FOCAD: variants seen among roughly 807,000 people sequenced by gnomAD.
The protein encoded by FOCAD is focadhesin.
FOCAD carries 198 observed loss-of-function variants against 225.6 expected under a neutral mutation model. The observed-to-expected ratio is 0.88, with a 90% CI of 0.78 to 0.99. The LOEUF (loss-of-function observed/expected upper bound fraction) is 0.99. Among genes scored for constraint, FOCAD ranks in the 50% least tolerant of loss-of-function variants. The probability of loss-of-function intolerance (pLI) is 0.00; values close to 1 mark genes in which losing one functional copy is unlikely to be tolerated. For missense variants in FOCAD, 2,713 were observed against 2,123.6 expected (o/e 1.28, Z -5.46); for synonymous variants, 897 against 755.0 (o/e 1.19, Z -3.08).
At chr9:20,930,175 T>G (rs1022666901) in intron 27 of FOCAD, among the ~76,000 whole-genome samples, 5 of 113,808 alleles carry the variant, frequency 4.4e-5, no homozygotes, top group Non-Finnish European at 1.0e-4. Context: ...TGATTGCTCA[T>G]TTTTGGACTG....
rs550996980 is a variant in FOCAD at position 20,876,620 on chromosome 9, G to A, written c.2317+1813G>A. On this transcript the variant is annotated intron_variant, in intron 19 of 43. Coordinates refer to ENST00000338382, the MANE Select transcript of FOCAD (RefSeq NM_001375567.1). ...TTTGTTTGAGAAAATTTAGTAATTT[G>A]AGTGAGGTGGGTGATCTAGATGCTA... is the stretch of plus-strand genomic sequence containing the variant. 2.0e-5 allele frequency among the ~76,000 whole-genome samples: 3 copies of A among 152,280 alleles called. No individual in the cohort carries two copies. In the East Asian group the frequency reaches 5.8e-4, roughly 29 times the overall value.
At position 20,862,523 on chromosome 9, in the gene FOCAD, G is replaced by A. The variant is rs1376600188; in HGVS notation, c.1921-55G>A. ...TAAAATATAGTACTCTTAATTAATG[G>A]CTTCATATAGGTTGGAGTCTTGTTA... On this transcript the variant is annotated intron_variant, in intron 15 of 43. Transcript: ENST00000338382. 8.3e-6 allele frequency: 13 copies of A among 1,571,454 alleles called. No individual in the cohort carries two copies. The East Asian group carries it at 2.3e-4, about 27-fold the overall frequency.
intron 15 of FOCAD, among the ~76,000 whole-genome samples, chr9:20,826,603 C>T (rs767878917): frequency 4.3e-4 from 65 of 152,192 alleles, no homozygotes; most frequent in Non-Finnish European, 7.4e-4. Context: ...ATACATCTTT[C>T]CTCTTCTGTC....
chr9:20,740,981 A>G (rs1229383083), intron 5 of FOCAD, among the ~76,000 whole-genome samples: 2 of 152,188 alleles, frequency 1.3e-5, no homozygotes, highest in East Asian at 3.9e-4. Context: ...ATCTCTTAAG[A>G]GAGGGGCTCT....
At chr9:20,943,453 T>TAA (rs11390093) in intron 28 of FOCAD, among the ~76,000 whole-genome samples, 8 of 151,880 alleles carry the variant, frequency 5.3e-5, no homozygotes, top group South Asian at 2.1e-4. Context: ...AGGCTAGGAA[T>TAA]AAAAAAAATC....
At chr9:20,736,801 A>C (rs965311999) in intron 4 of FOCAD, among the ~76,000 whole-genome samples, 10 of 152,092 alleles carry the variant, frequency 6.6e-5, no homozygotes, top group Admixed American at 1.3e-4. Flanking sequence ...GGATGTTGAG[A>C]CCCCTAGGCA....
chr9:20,668,038 A>C (rs1821946196), intron 2 of FOCAD, among the ~76,000 whole-genome samples: 1 of 152,230 alleles, frequency 6.6e-6, no homozygotes, highest in African/African-American at 2.4e-5. Flanking sequence ...ATCTCTAATA[A>C]TTTCTGAATG....
chr9:20,824,692 C>G (rs1326043050), intron 15 of FOCAD, among the ~76,000 whole-genome samples: 1 of 151,974 alleles, frequency 6.6e-6, no homozygotes, highest in African/African-American at 2.4e-5. Context: ...TTCTCTGAAA[C>G]TTTGTTCCTT....
intron 5 of FOCAD, among the ~76,000 whole-genome samples, chr9:20,745,425 G>A (rs1329410335): frequency 6.6e-6 from 1 of 152,198 alleles, no homozygotes; most frequent in East Asian, 1.9e-4. Context: ...CGTGCAGGAA[G>A]TGGGCAGAGA....
chr9:20,717,507 A>G (rs1156993680), intron 2 of FOCAD, among the ~76,000 whole-genome samples: 2 of 152,224 alleles, frequency 1.3e-5, no homozygotes, highest in Non-Finnish European at 2.9e-5. Flanking sequence ...TTATCTTCTG[A>G]TACTGACAGC....
At chr9:20,659,439 A>AG in intron 2 of FOCAD, among the ~76,000 whole-genome samples, 2 of 151,516 alleles carry the variant, frequency 1.3e-5, no homozygotes, top group South Asian at 2.1e-4. Context: ...AGAAAGAAAG[A>AG]AAGACAGACA....
intron 22 of FOCAD, among the ~76,000 whole-genome samples, chr9:20,911,599 C>T (rs998744599): frequency 6.6e-5 from 10 of 152,162 alleles, no homozygotes; most frequent in South Asian, 6.2e-4. Flanking sequence ...AATCTAATAA[C>T]GGTAGCTATT....
chr9:20,758,977 A>G (rs575424258), intron 6 of FOCAD, among the ~76,000 whole-genome samples: 6 of 152,098 alleles, frequency 3.9e-5, no homozygotes, highest in African/African-American at 1.4e-4. Flanking sequence ...CCAATAACAG[A>G]CAAACAGAGA....
intron 14 of FOCAD, among the ~76,000 whole-genome samples, chr9:20,822,725 T>C (rs562578896): frequency 6.6e-6 from 1 of 152,112 alleles, no homozygotes; most frequent in African/African-American, 2.4e-5. Context: ...ATTCAGACAA[T>C]AGGATTTGTG....
At chr9:20,968,588 T>C (rs948274330) in intron 35 of FOCAD, among the ~76,000 whole-genome samples, 3 of 151,616 alleles carry the variant, frequency 2.0e-5, no homozygotes, top group Non-Finnish European at 4.4e-5. Context: ...ATTACAGGCG[T>C]CTGCCACCAT....
intron 16 of FOCAD, 126 bp from the exon 17 acceptor site, chr9:20,865,800 T>C (rs1829177254): frequency 1.6e-6 from 1 of 614,636 alleles, no homozygotes; most frequent in South Asian, 2.3e-5. Context: ...TGAATACACA[T>C]TAAGTGAATT....
At chr9:20,809,461 GATCA>G (rs1822814538) in intron 11 of FOCAD, among the ~76,000 whole-genome samples, 1 of 151,948 alleles carries the variant, frequency 6.6e-6, no homozygotes, top group Non-Finnish European at 1.5e-5. Context: ...TAATTCAATT[GATCA>G]ATCAAATTAA....
At chr9:20,687,737 A>G (rs1822749846) in intron 1 of FOCAD, among the ~76,000 whole-genome samples, 1 of 152,250 alleles carries the variant, frequency 6.6e-6, no homozygotes, top group African/African-American at 2.4e-5. Flanking sequence ...AAAGACAGCA[A>G]CTACTTTGGT....
At chr9:20,877,279 A>G (rs949596765) in intron 19 of FOCAD, among the ~76,000 whole-genome samples, 2 of 152,218 alleles carry the variant, frequency 1.3e-5, no homozygotes, top group African/African-American at 2.4e-5. Flanking sequence ...TAATTGCCGA[A>G]ATCCTGAAAG....
Sources: gnomAD v4.1 joint callset for allele counts (sites outside exome capture counted in the v4.1 genomes callset) on GRCh38, gnomAD v4.1.1 for gene constraint, MANE v1.5 for transcripts, NCBI Gene and HGNC (gene_info 2026-07-23, HGNC 2026-07-21) for gene names.